PRDM5: variants seen among roughly 807,000 people sequenced by gnomAD.
PRDM5 encodes the protein PR domain zinc finger protein 5.
PRDM5 carries 56 observed loss-of-function variants against 81.2 expected under a neutral mutation model. The ratio of observed to expected loss-of-function variants is 0.69; its 90% CI spans 0.56 to 0.86. The LOEUF is 0.86. Ranked by LOEUF, PRDM5 falls within the 40% of genes least tolerant of loss-of-function variation. PRDM5 has a pLI of 0.00. For missense variants in PRDM5, 697 were observed against 770.1 expected (o/e 0.91, Z 1.12); for synonymous variants, 267 against 256.4 (o/e 1.04, Z -0.39).
intron 15 of PRDM5, among the ~76,000 whole-genome samples, chr4:120,701,837 T>A (rs1735418383): frequency 6.6e-6 from 1 of 151,592 alleles, no homozygotes; most frequent in African/African-American, 2.4e-5. Context: ...GAAAAAAAAA[T>A]GGGAATCAAA....
intron 13 of PRDM5, among the ~76,000 whole-genome samples, chr4:120,762,973 G>A (rs1745847368): frequency 6.6e-6 from 1 of 152,024 alleles, no homozygotes; most frequent in Non-Finnish European, 1.5e-5. Context: ...TAAGAAAGTG[G>A]GCAATAAAAT....
chr4:120,893,386 A>G (rs1274100173), intron 2 of PRDM5, among the ~76,000 whole-genome samples: 1 of 152,140 alleles, frequency 6.6e-6, no homozygotes, highest in Non-Finnish European at 1.5e-5. Flanking sequence ...CAGGGTCAGT[A>G]TTCACCAGCC....
intron 15 of PRDM5, among the ~76,000 whole-genome samples, chr4:120,698,032 TTTTA>T (rs1178520641): frequency 1.3e-5 from 2 of 152,228 alleles, no homozygotes; most frequent in South Asian, 2.1e-4. Context: ...TTGGGAATCA[TTTTA>T]TTTGTCTTCT....
intron 2 of PRDM5, among the ~76,000 whole-genome samples, chr4:120,893,268 C>T (rs956678237): frequency 6.6e-6 from 1 of 152,198 alleles, no homozygotes; most frequent in African/African-American, 2.4e-5. Context: ...GAGAGGTTCT[C>T]CTGCACTGAA....
intron 14 of PRDM5, among the ~76,000 whole-genome samples, chr4:120,738,201 C>T (rs1333313868): frequency 1.3e-5 from 2 of 152,184 alleles, no homozygotes; most frequent in Non-Finnish European, 2.9e-5. Flanking sequence ...TTTGCCAGAC[C>T]ATCAGCCTCA....
intron 14 of PRDM5, among the ~76,000 whole-genome samples, chr4:120,747,654 C>T (rs1189016682): frequency 2.6e-5 from 4 of 151,980 alleles, no homozygotes; most frequent in Non-Finnish European, 5.9e-5. Context: ...TAAACCCAGA[C>T]CTACATCTGA....
At chr4:120,759,151 T>A (rs1374623234) in intron 13 of PRDM5, among the ~76,000 whole-genome samples, 1 of 122,448 alleles carries the variant, frequency 8.2e-6, no homozygotes, top group Non-Finnish European at 1.7e-5. Context: ...GCACCTCTAG[T>A]CTAGATGATT....
At chr4:120,744,314 C>T (rs1343230117) in intron 14 of PRDM5, among the ~76,000 whole-genome samples, 20 of 152,128 alleles carry the variant, frequency 1.3e-4, no homozygotes, top group South Asian at 4.2e-4. Context: ...ACTAAATGCC[C>T]ACAAGAGAAA....
intron 2 of PRDM5, among the ~76,000 whole-genome samples, chr4:120,879,545 T>C (rs1347669302): frequency 6.6e-6 from 1 of 152,220 alleles, no homozygotes; most frequent in African/African-American, 2.4e-5. Flanking sequence ...ACGTATTAGA[T>C]ACAAAATATA....
intron 13 of PRDM5, among the ~76,000 whole-genome samples, chr4:120,764,611 C>T (rs534942858): frequency 6.6e-6 from 1 of 151,794 alleles, no homozygotes; most frequent in African/African-American, 2.4e-5. Context: ...AGAAAGGGTA[C>T]ATTCCATTGA....
chr4:120,694,215 G>A lies in PRDM5; in HGVS notation c.*896C>T, dbSNP rs1233978522. 1 of 152,100 alleles carries A rather than the reference G, an allele frequency of 6.6e-6. No homozygotes were observed. The highest frequency in any genetic ancestry group is 1.5e-5 in the Non-Finnish European group (1 of 67,996). The allele number at this position is 152,100 out of a possible 1,614,324, so 9.4% of individuals were successfully genotyped here. ...AAGGGCTATGTTCATCCTAACAAAT[G>A]TGGAGATGCCACTATTGTTCTGCCA... On this transcript the variant is annotated 3_prime_UTR_variant, in exon 16 of 16. Coordinates refer to ENST00000264808, the MANE Select transcript of PRDM5 (RefSeq NM_018699.4).
chr4:120,832,889 C>T (rs1252198420), intron 3 of PRDM5, among the ~76,000 whole-genome samples: 1 of 152,104 alleles, frequency 6.6e-6, no homozygotes, highest in Non-Finnish European at 1.5e-5. Context: ...AGTAACTGTG[C>T]TCCCTGGAAA....
chr4:120,821,166 A>G lies in PRDM5; in HGVS notation c.475+5T>C. On this transcript the variant is annotated splice_donor_5th_base_variant and intron_variant, in intron 4 of 15. Transcript: ENST00000264808. ...CTCCCAGATCACCAATTAAAGATGC[A>G]ATACCTTTTCTGCCCGCTGTTGATT... 1.9e-6 allele frequency: 3 copies of G among 1,613,690 alleles called. No individual in the cohort carries two copies.
At chr4:120,837,330 TTC>T (rs780013435) in intron 3 of PRDM5, 28 of 152,360 alleles carry the variant, frequency 1.8e-4, no homozygotes, top group Non-Finnish European at 3.4e-4. Context: ...TTTATGTTTT[TTC>T]TGTTTTGTTT....
intron 14 of PRDM5, among the ~76,000 whole-genome samples, chr4:120,750,619 A>C (rs1279034861): frequency 6.6e-6 from 1 of 152,018 alleles, no homozygotes; most frequent in Non-Finnish European, 1.5e-5. Flanking sequence ...TAGCAGAAGA[A>C]GTATACCTAT....
At chr4:120,720,375 A>C (rs904073443) in intron 14 of PRDM5, among the ~76,000 whole-genome samples, 1 of 152,118 alleles carries the variant, frequency 6.6e-6, no homozygotes, top group African/African-American at 2.4e-5. Context: ...AAGATTAGTA[A>C]TCTTCGTTTA....
chr4:120,863,191 T>TACACACACACAC (rs370387683), intron 2 of PRDM5, among the ~76,000 whole-genome samples: 2,004 of 70,160 alleles, frequency 0.029, 50 homozygotes, highest in Non-Finnish European at 0.039. Flanking sequence ...TATATATATA[T>TACACACACACAC]ACACACACAC....
chr4:120,715,455 A>C (rs1737610214), intron 14 of PRDM5, among the ~76,000 whole-genome samples: 1 of 152,192 alleles, frequency 6.6e-6, no homozygotes, highest in Admixed American at 6.5e-5. Context: ...GCAGTCCAAA[A>C]AATATAATGT....
At chr4:120,772,493 T>C (rs1277250787) in intron 13 of PRDM5, among the ~76,000 whole-genome samples, 3 of 152,206 alleles carry the variant, frequency 2.0e-5, no homozygotes. Flanking sequence ...GCAAAGGCAA[T>C]GCCAATGGAC....
Sources: gnomAD v4.1 joint callset for allele counts (sites outside exome capture counted in the v4.1 genomes callset) on GRCh38, gnomAD v4.1.1 for gene constraint, MANE v1.5 for transcripts, NCBI Gene and HGNC (gene_info 2026-07-23, HGNC 2026-07-21) for gene names.